Variants in GRIA3 observed in about 807,000 individuals in gnomAD.
The protein encoded by GRIA3 is glutamate ionotropic receptor AMPA type subunit 3.
GRIA3 carries 3 observed loss-of-function variants against 63.0 expected under a neutral mutation model. The ratio of observed to expected loss-of-function variants is 0.05; its 90% CI spans 0.02 to 0.12. GRIA3 has a LOEUF of 0.12. GRIA3 is among the 10% of genes least tolerant of loss of function. The pLI is 1.00. For synonymous variants in GRIA3, 274 were observed against 257.9 expected, an observed-to-expected ratio of 1.06 and a Z score of -0.60; for missense variants, 347 against 700.9, an observed-to-expected ratio of 0.50 and a Z score of 5.70.
intron 12 of GRIA3, among the ~76,000 whole-genome samples, chrX:123,463,772 A>G (rs183466460): frequency 9.5e-4 from 89 of 94,112 alleles, no homozygotes; most frequent in African/African-American, 5.2e-3. Context: ...AAAGAAGAGA[A>G]AGAAAGAAAA....
chrX:123,433,270 A>G (rs759781967), intron 12 of GRIA3, among the ~76,000 whole-genome samples: 1 of 111,881 alleles, frequency 8.9e-6, no homozygotes, highest in African/African-American at 3.2e-5. Flanking sequence ...TAAGGACCAG[A>G]TCAGAATGAA....
At chrX:123,392,203 T>C (rs2045390655) in intron 5 of GRIA3, among the ~76,000 whole-genome samples, 1 of 112,159 alleles carries the variant, frequency 8.9e-6, no homozygotes, top group African/African-American at 3.2e-5. Context: ...GGGGAGCCTT[T>C]CCTCAGGGCT....
chrX:123,424,652 A>C (rs966402119), intron 11 of GRIA3, among the ~76,000 whole-genome samples: 1 of 111,730 alleles, frequency 9.0e-6, no homozygotes, highest in African/African-American at 3.2e-5. Context: ...AAATTGCCAA[A>C]GTCAATAACC....
chrX:123,246,284 T>G (rs1006769247), intron 2 of GRIA3, among the ~76,000 whole-genome samples: 2 of 111,997 alleles, frequency 1.8e-5, no homozygotes, highest in African/African-American at 6.5e-5. Context: ...ATAGCTTAAA[T>G]TGACACAAGA....
At chrX:123,463,550 C>T (rs964242869) in intron 12 of GRIA3, among the ~76,000 whole-genome samples, 2 of 29,111 alleles carry the variant, frequency 6.9e-5, no homozygotes, top group African/African-American at 5.1e-4. Context: ...ACGAAAGAAG[C>T]GAAGGAAGGA....
chrX:123,395,230 C>T (rs1448084392), intron 6 of GRIA3, 101 bp downstream of exon 6: 1 of 762,006 alleles, frequency 1.3e-6, no homozygotes, highest in East Asian at 3.2e-5. Context: ...AGTGATTTTC[C>T]TCAGAAGTGA....
chrX:123,468,710 C>T (rs2045847382), intron 13 of GRIA3, among the ~76,000 whole-genome samples: 1 of 112,368 alleles, frequency 8.9e-6, no homozygotes, highest in South Asian at 3.7e-4. Flanking sequence ...TCCCTCTGTT[C>T]CTCCAAATCA....
At chrX:123,225,912 A>C (rs1160174880) in intron 2 of GRIA3, among the ~76,000 whole-genome samples, 1 of 111,073 alleles carries the variant, frequency 9.0e-6, no homozygotes, top group Non-Finnish European at 1.9e-5. Flanking sequence ...TAATCTCTTG[A>C]CCTCTATTTC....
chrX:123,367,236 G>A (rs934103750), intron 5 of GRIA3, among the ~76,000 whole-genome samples: 2 of 111,211 alleles, frequency 1.8e-5, no homozygotes, highest in South Asian at 3.8e-4. Context: ...ATTGTTTCTC[G>A]CAAAAATATC....
intron 2 of GRIA3, among the ~76,000 whole-genome samples, chrX:123,207,679 A>G (rs1461807059): frequency 1.8e-5 from 2 of 112,045 alleles, no homozygotes; most frequent in Non-Finnish European, 3.8e-5. Flanking sequence ...TACTATTTGC[A>G]TGTGTCACCA....
chrX:123,190,373 G>T (rs759293600), intron 2 of GRIA3, among the ~76,000 whole-genome samples: 2 of 111,324 alleles, frequency 1.8e-5, no homozygotes, highest in South Asian at 7.6e-4. Context: ...AGCATGAAGA[G>T]GTTGCCTTAG....
chrX:123,302,948 C>T (rs376617800), intron 3 of GRIA3, among the ~76,000 whole-genome samples: 3 of 111,342 alleles, frequency 2.7e-5, no homozygotes, highest in Non-Finnish European at 5.7e-5. Context: ...CTTTCTATGA[C>T]GTGGGCTCCC....
At chrX:123,423,502 A>C (rs767928984) in intron 11 of GRIA3, among the ~76,000 whole-genome samples, 1 of 112,208 alleles carries the variant, frequency 8.9e-6, no homozygotes, top group African/African-American at 3.2e-5. Flanking sequence ...GTAATAGCAG[A>C]ATTTTTATTA....
intron 5 of GRIA3, among the ~76,000 whole-genome samples, chrX:123,371,262 A>G (rs1301850988): frequency 3.6e-5 from 4 of 109,797 alleles, no homozygotes; most frequent in African/African-American, 1.3e-4. Flanking sequence ...TATTTATCAC[A>G]TTTTCTTTAT....
intron 3 of GRIA3, among the ~76,000 whole-genome samples, chrX:123,260,996 A>AT (rs1410066454): frequency 8.9e-6 from 1 of 111,986 alleles, no homozygotes; most frequent in African/African-American, 3.2e-5. Context: ...GAGCTGTCAT[A>AT]TTTTTTAATA....
At chrX:123,305,574 G>A (rs775423293) in intron 3 of GRIA3, among the ~76,000 whole-genome samples, 5 of 111,928 alleles carry the variant, frequency 4.5e-5, no homozygotes, top group African/African-American at 6.5e-5. Context: ...CTGCTTTCGA[G>A]TTTGGCCATT....
intron 2 of GRIA3, among the ~76,000 whole-genome samples, chrX:123,224,361 G>A (rs973714582): frequency 2.7e-5 from 3 of 111,249 alleles, no homozygotes; most frequent in African/African-American, 9.8e-5. Context: ...TATAGTCAAC[G>A]CTCTTTTTGG....
chrX:123,337,561 A>T (rs57325060), intron 4 of GRIA3, among the ~76,000 whole-genome samples: 2,280 of 111,667 alleles, frequency 0.02, 43 homozygotes, highest in East Asian at 0.13. Flanking sequence ...GAACCTGGGG[A>T]TTATGCTATC....
intron 4 of GRIA3, among the ~76,000 whole-genome samples, chrX:123,340,227 C>T (rs1197498860): frequency 1.8e-5 from 2 of 112,591 alleles, no homozygotes; most frequent in Non-Finnish European, 3.8e-5. Context: ...TTAAGATAGC[C>T]TATTCACATG....
Sources: gnomAD v4.1 joint callset for allele counts (sites outside exome capture counted in the v4.1 genomes callset) on GRCh38, gnomAD v4.1.1 for gene constraint, MANE v1.5 for transcripts, NCBI Gene and HGNC (gene_info 2026-07-23, HGNC 2026-07-21) for gene names.